The following SCD5 variants were observed in gnomAD, a reference collection of about 807,000 sequenced individuals.
SCD5 encodes acyl-CoA-desaturase 4.
Under a neutral mutation model 30.4 loss-of-function variants are expected in SCD5, and 20 were observed. The observed-to-expected ratio is 0.66, with a 90% CI of 0.46 to 0.96. The LOEUF (loss-of-function observed/expected upper bound fraction) is 0.96, where lower values mean the gene tolerates loss of function less well. Among genes scored for constraint, SCD5 ranks in the 40% least tolerant of loss-of-function variants. SCD5 has a pLI of 0.00. For missense variants in SCD5, 381 were observed against 443.3 expected (o/e 0.86, Z 1.26); for synonymous variants, 173 against 176.4 (o/e 0.98, Z 0.16).
At chr4:82,644,318 CT>C (rs968855400) in intron 3 of SCD5, among the ~76,000 whole-genome samples, 9 of 152,196 alleles carry the variant, frequency 5.9e-5, no homozygotes, top group African/African-American at 2.2e-4. Flanking sequence ...GCTTCTGCCC[CT>C]TCTTCCACAT....
intron 1 of SCD5, among the ~76,000 whole-genome samples, chr4:82,760,966 T>C (rs888033510): frequency 4.6e-5 from 7 of 152,184 alleles, no homozygotes; most frequent in Admixed American, 6.5e-5. Context: ...CAGCTTGCCA[T>C]TGGGAGAATT....
rs753386350 is a variant in SCD5 at position 82,798,520 on chromosome 4, G to A, written c.18C>T (p.Thr6=). The A allele has an allele frequency of 5.6e-6, 9 of 1,600,782 alleles. No homozygotes were observed. Among genetic ancestry groups the A allele is most frequent in the South Asian group, 1.1e-5 (1 of 88,936 alleles). ...CGCAGAAAGGGATCTTCCCCGCGTCGGTGGCCGGGCCTGGCATGGCTGGGC... is the reference window on the plus strand; with the variant it reads ...CGCAGAAAGGGATCTTCCCCGCGTCAGTGGCCGGGCCTGGCATGGCTGGGC... MPGPA[T]DAGKIPFCDA... Residue 6 remains threonine, a synonymous_variant, in exon 1 of 5, where the codon ACC becomes ACT. Transcript: ENST00000319540.
intron 1 of SCD5, among the ~76,000 whole-genome samples, chr4:82,756,833 G>A (rs1011435871): frequency 6.6e-6 from 1 of 151,904 alleles, no homozygotes; most frequent in Non-Finnish European, 1.5e-5. Context: ...ATCCTCCATA[G>A]AGCCACCCAC....
At chr4:82,686,948 A>G (rs1468265044) in intron 2 of SCD5, among the ~76,000 whole-genome samples, 1 of 152,192 alleles carries the variant, frequency 6.6e-6, no homozygotes, top group Non-Finnish European at 1.5e-5. Flanking sequence ...AGGCAGGAGG[A>G]TCACTTGAGA....
intron 1 of SCD5, among the ~76,000 whole-genome samples, chr4:82,733,634 T>C (rs541511724): frequency 1.3e-5 from 2 of 152,174 alleles, no homozygotes; most frequent in African/African-American, 4.8e-5. Flanking sequence ...GAAGAAAGAA[T>C]TTGGAAACAA....
At chr4:82,764,406 T>C (rs570876760) in intron 1 of SCD5, among the ~76,000 whole-genome samples, 4 of 152,360 alleles carry the variant, frequency 2.6e-5, no homozygotes, top group African/African-American at 4.8e-5. Flanking sequence ...CTTTTTCATA[T>C]CTTCATCCTT....
rs992952001 is a variant in SCD5, at chr4:82,651,809, A to G, written c.570-14986T>C. ...AAGCCTGTAGTCCTAGCTACTTGGG[A>G]GGCTGAGGCAGGAGAATCGCTTGAA... On this transcript the variant is annotated intron_variant, in intron 3 of 4. Transcript: ENST00000319540. Among the ~76,000 whole-genome samples, 3 of 152,210 alleles carry G rather than the reference A, an allele frequency of 2.0e-5. No homozygotes were observed. In the South Asian group the frequency reaches 6.2e-4, roughly 32 times the overall value.
chr4:82,677,646 C>T (rs931153009), intron 3 of SCD5, among the ~76,000 whole-genome samples: 4 of 152,182 alleles, frequency 2.6e-5, no homozygotes, highest in Non-Finnish European at 4.4e-5. Flanking sequence ...TTTTGGATTA[C>T]GGATCTCTAT....
chr4:82,712,293 T>TAC (rs1720123477), intron 1 of SCD5, among the ~76,000 whole-genome samples: 1 of 43,520 alleles, frequency 2.3e-5, no homozygotes, highest in African/African-American at 9.9e-5. Flanking sequence ...TATATATATA[T>TAC]ATATTTTATT....
chr4:82,746,150 C>T (rs1352020688), intron 1 of SCD5, among the ~76,000 whole-genome samples: 1 of 152,206 alleles, frequency 6.6e-6, no homozygotes, highest in Non-Finnish European at 1.5e-5. Flanking sequence ...CCTATGGCAA[C>T]TGGAGTCACA....
chr4:82,667,823 T>G (rs544243930), intron 3 of SCD5, among the ~76,000 whole-genome samples: 1 of 152,310 alleles, frequency 6.6e-6, no homozygotes, highest in Non-Finnish European at 1.5e-5. Flanking sequence ...TCAAAATTTT[T>G]GCAGAGCCAG....
intron 1 of SCD5, among the ~76,000 whole-genome samples, chr4:82,777,514 T>G (rs534391447): frequency 6.6e-6 from 1 of 152,166 alleles, no homozygotes; most frequent in Non-Finnish European, 1.5e-5. Flanking sequence ...CTATTTCTGG[T>G]CAAAGACAGC....
chr4:82,644,331 T>C lies in SCD5; in HGVS notation c.570-7508A>G, dbSNP rs139502862. The stretch of plus-strand genomic sequence containing the variant: ...TTGCTTCTGCCCCTTCTTCCACATG[T>C]ATTGATCCCAAGGACCTGCTCCAGT... On this transcript the variant is annotated intron_variant, in intron 3 of 4. Coordinates refer to ENST00000319540, the MANE Select transcript of SCD5 (RefSeq NM_001037582.3). Among the ~76,000 whole-genome samples the C allele has an allele frequency of 2.0e-5, 3 of 152,298 alleles. No homozygotes were observed. In the East Asian group the frequency reaches 5.8e-4, roughly 29 times the overall value.
At chr4:82,792,047 C>T (rs1011280471) in intron 1 of SCD5, among the ~76,000 whole-genome samples, 16 of 152,136 alleles carry the variant, frequency 1.1e-4, no homozygotes, top group Non-Finnish European at 1.9e-4. Flanking sequence ...CACCTGAGGT[C>T]GGGAGTTTGA....
chr4:82,629,893 T>A lies in SCD5; in HGVS notation c.*1434A>T, dbSNP rs201794424. 1 of 152,172 alleles carries A rather than the reference T, an allele frequency of 6.6e-6. No individual in the cohort carries two copies. The allele number at this position is 152,172 out of a possible 1,614,324, so 9.4% of individuals were successfully genotyped here. ...ACTTTATATTTTGCTACAAAATTAA[T>A]GAAGGCTGCATGCAGGTGAAACATT... is the stretch of plus-strand genomic sequence containing the variant. On this transcript the variant is annotated 3_prime_UTR_variant, in exon 5 of 5. Coordinates refer to ENST00000319540, the MANE Select transcript of SCD5 (RefSeq NM_001037582.3).
At chr4:82,736,263 G>A (rs1420339116) in intron 1 of SCD5, among the ~76,000 whole-genome samples, 9 of 151,734 alleles carry the variant, frequency 5.9e-5, no homozygotes, top group African/African-American at 2.2e-4. Context: ...ATCCAGCCTG[G>A]GTGACAGAGC....
chr4:82,727,432 C>T (rs1560545482), intron 1 of SCD5, among the ~76,000 whole-genome samples: 1 of 152,204 alleles, frequency 6.6e-6, no homozygotes, highest in Non-Finnish European at 1.5e-5. Context: ...AGGTCCCACT[C>T]CTGGAGTTGT....
At chr4:82,692,600 G>A (rs1289048954) in intron 2 of SCD5, 1 of 152,346 alleles carries the variant, frequency 6.6e-6, no homozygotes, top group African/African-American at 2.4e-5. Context: ...CGGCTGCGTG[G>A]GGCTCTCAGG....
chr4:82,684,730 C>G (rs1043914072), intron 2 of SCD5, among the ~76,000 whole-genome samples: 1 of 152,054 alleles, frequency 6.6e-6, no homozygotes, highest in Non-Finnish European at 1.5e-5. Flanking sequence ...GAAGCCATAC[C>G]CCCAGCGGTA....
Sources: gnomAD v4.1 joint callset for allele counts (sites outside exome capture counted in the v4.1 genomes callset) on GRCh38, gnomAD v4.1.1 for gene constraint, MANE v1.5 for transcripts, NCBI Gene and HGNC (gene_info 2026-07-23, HGNC 2026-07-21) for gene names.